Variants in BCAR3 observed in about 807,000 individuals in gnomAD.
BCAR3 encodes the protein breast cancer anti-estrogen resistance protein 3.
A neutral mutation model predicts 80.1 loss-of-function variants in BCAR3; 37 were observed. The observed-to-expected ratio is 0.46, with a 90% CI of 0.36 to 0.61. The LOEUF is 0.61. Ranked by LOEUF, BCAR3 falls within the 20% of genes least tolerant of loss-of-function variation. The pLI is 0.00. For missense variants in BCAR3, 978 were observed against 1,068.2 expected (o/e 0.92, Z 1.18); for synonymous variants, 389 against 418.9 (o/e 0.93, Z 0.87).
intron 2 of BCAR3, among the ~76,000 whole-genome samples, chr1:93,722,467 C>T (rs1362765891): frequency 1.3e-5 from 2 of 152,208 alleles, no homozygotes; most frequent in African/African-American, 4.8e-5. Flanking sequence ...CTAAGGCCTC[C>T]ATCCTGCGCT....
intron 2 of BCAR3, among the ~76,000 whole-genome samples, chr1:93,731,598 C>T (rs564858013): frequency 6.6e-6 from 1 of 151,966 alleles, no homozygotes; most frequent in East Asian, 1.9e-4. Context: ...GGGATAAAAA[C>T]AGCAGTGGGA....
At chr1:93,719,719 A>T (rs575450235) in intron 2 of BCAR3, among the ~76,000 whole-genome samples, 1 of 152,252 alleles carries the variant, frequency 6.6e-6, no homozygotes, top group Non-Finnish European at 1.5e-5. Flanking sequence ...TAAATGCTGA[A>T]CTGCAGTGGA....
chr1:93,672,334 C>T (rs3754200), intron 2 of BCAR3, among the ~76,000 whole-genome samples: 2 of 152,118 alleles, frequency 1.3e-5, no homozygotes, highest in Non-Finnish European at 2.9e-5. Context: ...CCACCCACCC[C>T]CCTAGTGTGG....
intron 3 of BCAR3, among the ~76,000 whole-genome samples, chr1:93,630,939 G>A (rs536002186): frequency 6.6e-6 from 1 of 152,290 alleles, no homozygotes; most frequent in Admixed American, 6.5e-5. Flanking sequence ...ACCAAGAAAC[G>A]GCTAAAACCG....
Position 93,843,047 on chromosome 1 carries a change from T to C in BCAR3, c.-63+2520A>G, listed in dbSNP as rs146505668. ...TTTCAACGTTGTGAGTAGATTTTTCTAGCAAGAAATGAGTCTTCTTAAGTC... is the reference window on the plus strand; with the variant it reads ...TTTCAACGTTGTGAGTAGATTTTTCCAGCAAGAAATGAGTCTTCTTAAGTC... On this transcript the variant is annotated intron_variant, in intron 2 of 13. Transcript: ENST00000370244. Among the ~76,000 whole-genome samples, 693 of 152,318 alleles carry C rather than the reference T, an allele frequency of 4.5e-3. 3 individuals are homozygous for C. Among genetic ancestry groups the C allele is most frequent in the Middle Eastern group, 0.014 (4 of 294 alleles).
chr1:93,687,470 G>A (rs2101961065), intron 3 of BCAR3, among the ~76,000 whole-genome samples: 1 of 152,184 alleles, frequency 6.6e-6, no homozygotes, highest in South Asian at 2.1e-4. Context: ...ACAATGCCAG[G>A]CTAATTTTTG....
At chr1:93,725,043 C>T (rs970283303) in intron 2 of BCAR3, among the ~76,000 whole-genome samples, 3 of 152,206 alleles carry the variant, frequency 2.0e-5, no homozygotes, top group African/African-American at 7.2e-5. Flanking sequence ...ACCTACTTCT[C>T]CTCACCCTGC....
intron 3 of BCAR3, among the ~76,000 whole-genome samples, chr1:93,633,743 T>C (rs148688519): frequency 7.4e-4 from 112 of 152,344 alleles, no homozygotes; most frequent in African/African-American, 2.5e-3. Flanking sequence ...CAAGCAATTC[T>C]CCTGCCTCCG....
chr1:93,770,185 T>G (rs1652304726), intron 2 of BCAR3, among the ~76,000 whole-genome samples: 1 of 152,154 alleles, frequency 6.6e-6, no homozygotes, highest in African/African-American at 2.4e-5. Context: ...GAGAAGATTT[T>G]AAGTTGAAAC....
chr1:93,575,495 C>T (rs536092343), intron 8 of BCAR3, among the ~76,000 whole-genome samples: 4 of 152,308 alleles, frequency 2.6e-5, no homozygotes, highest in South Asian at 2.1e-4. Flanking sequence ...TCGGAGGCCC[C>T]GGACCAGTGC....
At chr1:93,674,279 G>A (rs933528432) in intron 2 of BCAR3, among the ~76,000 whole-genome samples, 7 of 152,044 alleles carry the variant, frequency 4.6e-5, no homozygotes, top group African/African-American at 1.7e-4. Context: ...TAAAAACTTC[G>A]GAGTCTCACT....
chr1:93,704,245 A>G (rs536919063), intron 3 of BCAR3, among the ~76,000 whole-genome samples: 1 of 151,366 alleles, frequency 6.6e-6, no homozygotes, highest in East Asian at 2.0e-4. Flanking sequence ...AGTTTCACTC[A>G]CTCTAGGGCA....
intron 2 of BCAR3, among the ~76,000 whole-genome samples, chr1:93,802,595 G>A (rs1235166810): frequency 6.6e-6 from 1 of 152,190 alleles, no homozygotes; most frequent in Non-Finnish European, 1.5e-5. Context: ...TCTAATGCAT[G>A]CTGTCAAAAC....
At chr1:93,700,221 C>G (rs1016357796) in intron 3 of BCAR3, among the ~76,000 whole-genome samples, 1 of 152,146 alleles carries the variant, frequency 6.6e-6, no homozygotes, top group Non-Finnish European at 1.5e-5. Flanking sequence ...GAGACAGGGT[C>G]TAGCCTTGTT....
rs138499813 is a variant in BCAR3, at chr1:93,831,421, A to C, written c.-63+14146T>G. Reference sequence around the variant, plus strand: ...TGCAATACCACTTGACCCCAGTACAAACTTGACAGTAGTTCCAAGTGGCCA... The same window carrying C: ...TGCAATACCACTTGACCCCAGTACACACTTGACAGTAGTTCCAAGTGGCCA... On this transcript the variant is annotated intron_variant, in intron 2 of 13. Coordinates refer to the BCAR3 transcript ENST00000370244. Among the ~76,000 whole-genome samples the C allele has an allele frequency of 5.5e-4, 83 of 152,270 alleles. 2 individuals carry two copies. Among genetic ancestry groups the C allele is most frequent in the East Asian group, 1.7e-3 (9 of 5,188 alleles).
At chr1:93,774,178 G>A (rs1652456682) in intron 2 of BCAR3, among the ~76,000 whole-genome samples, 1 of 152,068 alleles carries the variant, frequency 6.6e-6, no homozygotes, top group Non-Finnish European at 1.5e-5. Context: ...ACAGGCACAT[G>A]AGCATTATTT....
chr1:93,725,144 C>T (rs1243905472), intron 2 of BCAR3, among the ~76,000 whole-genome samples: 2 of 152,236 alleles, frequency 1.3e-5, no homozygotes, highest in Non-Finnish European at 2.9e-5. Context: ...CTATGTCCCA[C>T]TCATGTGTAA....
chr1:93,702,878 A>G (rs1557660030), intron 3 of BCAR3, among the ~76,000 whole-genome samples: 1 of 152,208 alleles, frequency 6.6e-6, no homozygotes, highest in Non-Finnish European at 1.5e-5. Flanking sequence ...TCATGATAGA[A>G]TGGCAGCTGC....
chr1:93,787,605 T>C (rs1394063236), intron 2 of BCAR3, among the ~76,000 whole-genome samples: 1 of 152,238 alleles, frequency 6.6e-6, no homozygotes, highest in African/African-American at 2.4e-5. Context: ...TTAATTTTCA[T>C]GTATCTGCAT....
Sources: allele counts gnomAD v4.1 joint callset (sites outside exome capture counted in the v4.1 genomes callset), GRCh38; gene constraint gnomAD v4.1.1; transcripts MANE v1.5; gene names NCBI Gene and HGNC (gene_info 2026-07-23, HGNC 2026-07-21).